KDM3B: variants seen among roughly 807,000 people sequenced by gnomAD.
KDM3B encodes lysine demethylase 3B.
In KDM3B, 10 loss-of-function variants were observed where a neutral mutation model predicts 170.0. The observed-to-expected ratio is 0.06, with a 90% confidence interval of 0.04 to 0.10. The LOEUF (loss-of-function observed/expected upper bound fraction) is 0.10, where lower values mean the gene tolerates loss of function less well. Among genes scored for constraint, KDM3B ranks in the 10% least tolerant of loss-of-function variants. The pLI is 1.00. For synonymous variants in KDM3B, 831 were observed against 834.8 expected (o/e 1.00, Z 0.08); for missense variants, 1,394 against 2,195.2 (o/e 0.64, Z 7.29).
chr5:138,379,544 T>A, intron 4 of KDM3B, 40 bp from the exon 5 acceptor site: 1 of 1,565,320 alleles, frequency 6.4e-7, no homozygotes. Context: ...GAAATATAGC[T>A]TAGCCAAAAA....
At chr5:138,426,950 T>G in intron 17 of KDM3B, 25 bp from the exon 18 acceptor site, 1 of 1,579,316 alleles carries the variant, frequency 6.3e-7, no homozygotes, top group Non-Finnish European at 8.7e-7. Flanking sequence ...AGCAGATGTT[T>G]GTGGGAGTAT....
chr5:138,429,673 G>A (rs1334016788), intron 20 of KDM3B, among the ~76,000 whole-genome samples, 153 bp from the exon 21 acceptor site: 1 of 152,196 alleles, frequency 6.6e-6, no homozygotes, highest in Non-Finnish European at 1.5e-5. Context: ...TGTGTGTAGG[G>A]AGCTTAGACC....
intron 10 of KDM3B, 77 bp from the exon 11 acceptor site, chr5:138,399,783 G>A (rs1216800341): frequency 9.6e-6 from 13 of 1,356,126 alleles, no homozygotes; most frequent in African/African-American, 2.9e-5. Flanking sequence ...AATAGCTTGA[G>A]TAGGGATCAG....
intron 7 of KDM3B, among the ~76,000 whole-genome samples, chr5:138,388,291 T>C (rs1478282348): frequency 6.6e-6 from 1 of 152,106 alleles, no homozygotes; most frequent in Non-Finnish European, 1.5e-5. Flanking sequence ...ATGACAGTCA[T>C]GTTGCTGTGT....
rs573669894 is a variant in KDM3B at position 138,404,183 on chromosome 5, G to A, written c.3199+4171G>A. 3.9e-5 allele frequency among the ~76,000 whole-genome samples: 6 copies of A among 152,300 alleles called. No homozygotes were observed. The East Asian group carries it at 1.2e-3, about 29-fold the overall frequency. On this transcript the variant is annotated intron_variant, in intron 11 of 23. Coordinates refer to ENST00000314358, the MANE Select transcript of KDM3B (RefSeq NM_016604.4). ...ACAAGTAGAGTTTCAGAAAAAGTGG[G>A]AGAGCAGAGGCAGAAAAAATATTTA...
chr5:138,407,870 C>G (rs1762862853), intron 11 of KDM3B, among the ~76,000 whole-genome samples: 1 of 152,152 alleles, frequency 6.6e-6, no homozygotes, highest in African/African-American at 2.4e-5. Context: ...GGTTACCACT[C>G]CAGAGCGGGG....
chr5:138,426,862 CAAAAA>C (rs60899302), intron 17 of KDM3B, 108 bp from the exon 18 acceptor site: 511 of 551,542 alleles, frequency 9.3e-4, no homozygotes, highest in Middle Eastern at 1.6e-3. Flanking sequence ...GACTCTGTCT[CAAAAA>C]AAAAAAAAAA....
intron 2 of KDM3B, among the ~76,000 whole-genome samples, chr5:138,374,128 G>A (rs1044871039): frequency 6.6e-6 from 1 of 152,032 alleles, no homozygotes; most frequent in Non-Finnish European, 1.5e-5. Flanking sequence ...CATGTAGCTG[G>A]GATTACAGGC....
At chr5:138,358,143 G>A (rs773226606) in intron 1 of KDM3B, among the ~76,000 whole-genome samples, 10 of 151,232 alleles carry the variant, frequency 6.6e-5, no homozygotes, top group Admixed American at 2.0e-4. Context: ...GATTACAGGC[G>A]TCCACCACCA....
chr5:138,378,898 T>C (rs1762062528), intron 4 of KDM3B, among the ~76,000 whole-genome samples: 1 of 151,768 alleles, frequency 6.6e-6, no homozygotes, highest in Admixed American at 6.6e-5. Context: ...TTGGTAATGA[T>C]TTAGCTATAT....
chr5:138,400,434 G>A (rs1762654940), intron 11 of KDM3B, among the ~76,000 whole-genome samples: 2 of 151,730 alleles, frequency 1.3e-5, no homozygotes, highest in African/African-American at 4.8e-5. Flanking sequence ...TAATTCACAT[G>A]CCATAAAATT....
intron 1 of KDM3B, among the ~76,000 whole-genome samples, chr5:138,369,359 A>G (rs1761819134): frequency 6.6e-6 from 1 of 152,210 alleles, no homozygotes; most frequent in South Asian, 2.1e-4. Context: ...TCAGCCAGTC[A>G]TCAAGCTTTG....
chr5:138,427,630 C>A (rs369428007), intron 19 of KDM3B, among the ~76,000 whole-genome samples: 24 of 152,272 alleles, frequency 1.6e-4, no homozygotes, highest in African/African-American at 5.5e-4. Context: ...GTCTGGGTGC[C>A]ATGCTACCCA....
In KDM3B at chr5:138,352,712, G is replaced by A; in HGVS notation, c.-84G>A. ...ACGGCGGCCGCGGGTGGTGCGGAGG[G>A]AGGCCTTGCGGGCGGATCGGGCGCT... On this transcript the variant is annotated 5_prime_UTR_variant, in exon 1 of 24. Transcript: ENST00000314358. 1 of 1,079,160 alleles carries A rather than the reference G, an allele frequency of 9.3e-7. No homozygotes were observed. 66.8% of individuals were successfully genotyped at this position (1,079,160 alleles called of 1,614,324 possible).
chr5:138,415,088 T>C, intron 11 of KDM3B, 44 bp from the exon 12 acceptor site: 2 of 1,381,802 alleles, frequency 1.4e-6, no homozygotes, highest in Non-Finnish European at 2.0e-6. Flanking sequence ...GAAGGATCCA[T>C]TTTTGTGACC....
At chr5:138,366,869 C>G (rs1368752964) in intron 1 of KDM3B, among the ~76,000 whole-genome samples, 1 of 152,176 alleles carries the variant, frequency 6.6e-6, no homozygotes, top group Admixed American at 6.5e-5. Flanking sequence ...ACACTCCTGG[C>G]CAAACAACAT....
chr5:138,395,504 T>G (rs1351644604), intron 9 of KDM3B, among the ~76,000 whole-genome samples: 1 of 152,220 alleles, frequency 6.6e-6, no homozygotes. Context: ...AGCTCACGCT[T>G]GTAATCCCAG....
intron 11 of KDM3B, among the ~76,000 whole-genome samples, chr5:138,413,621 G>A (rs1041968631): frequency 1.8e-4 from 27 of 152,010 alleles, no homozygotes; most frequent in Admixed American, 1.2e-3. Context: ...GTTTATAGCT[G>A]CTTTATTTAT....
chr5:138,374,398 A>G (rs1193540569), intron 2 of KDM3B: 1 of 345,586 alleles, frequency 2.9e-6, no homozygotes, highest in East Asian at 1.1e-4. Context: ...AACTGGGATT[A>G]CAGGCGCCCA....
Sources: allele counts gnomAD v4.1 joint callset (sites outside exome capture counted in the v4.1 genomes callset), GRCh38; gene constraint gnomAD v4.1.1; transcripts MANE v1.5; gene names NCBI Gene and HGNC (gene_info 2026-07-23, HGNC 2026-07-21).